Variants in FRMD4A observed in about 807,000 individuals in gnomAD.
The protein encoded by FRMD4A is FERM domain containing 4A, also known as FERM domain-containing protein 4A.
Under a neutral mutation model 129.1 loss-of-function variants are expected in FRMD4A, and 29 were observed. The observed-to-expected ratio is 0.22, with a 90% confidence interval of 0.17 to 0.31. The LOEUF (loss-of-function observed/expected upper bound fraction) is 0.31. FRMD4A is among the 10% of genes least tolerant of loss of function. The probability of loss-of-function intolerance (pLI) is 1.00; values close to 1 mark genes in which losing one functional copy is unlikely to be tolerated. For missense variants in FRMD4A, 1,272 were observed against 1,375.8 expected, an observed-to-expected ratio of 0.92 and a Z score of 1.19; for synonymous variants, 634 against 571.6, an observed-to-expected ratio of 1.11 and a Z score of -1.56.
intron 8 of FRMD4A, among the ~76,000 whole-genome samples, chr10:13,754,068 T>C (rs564173190): frequency 2.0e-5 from 3 of 152,352 alleles, no homozygotes; most frequent in Admixed American, 2.0e-4. Context: ...TAACTTTCTA[T>C]ATTTCTCAGT....
intron 2 of FRMD4A, among the ~76,000 whole-genome samples, chr10:14,112,211 G>A (rs1304180713): frequency 6.6e-6 from 1 of 152,128 alleles, no homozygotes; most frequent in African/African-American, 2.4e-5. Context: ...GGCCCAGCTG[G>A]GGAGGGCCCA....
chr10:13,883,352 T>A (rs374319160), intron 2 of FRMD4A, among the ~76,000 whole-genome samples: 1 of 151,878 alleles, frequency 6.6e-6, no homozygotes, highest in South Asian at 2.1e-4. Flanking sequence ...ATTAGCTGGG[T>A]GTAGTGGTGC....
At chr10:14,127,922 C>A (rs1263199958) in intron 2 of FRMD4A, among the ~76,000 whole-genome samples, 2 of 3,804 alleles carry the variant, frequency 5.3e-4, no homozygotes, top group African/African-American at 4.4e-3. Flanking sequence ...TTCTTTCTTT[C>A]TTTCTTTCTT....
chr10:13,853,006 T>C (rs1459178497), intron 3 of FRMD4A, among the ~76,000 whole-genome samples: 4 of 152,216 alleles, frequency 2.6e-5, no homozygotes, highest in African/African-American at 9.6e-5. Flanking sequence ...CTTCTTGGAA[T>C]CATAGGGACG....
chr10:13,938,187 T>C (rs1259932881), intron 2 of FRMD4A, among the ~76,000 whole-genome samples: 1 of 152,148 alleles, frequency 6.6e-6, no homozygotes, highest in East Asian at 1.9e-4. Flanking sequence ...TATTAGAAGT[T>C]TTCCTTGTGT....
intron 6 of FRMD4A, among the ~76,000 whole-genome samples, chr10:13,763,336 C>A (rs79710310): frequency 0.016 from 2,448 of 152,254 alleles, 83 homozygotes; most frequent in South Asian, 0.12. Flanking sequence ...GAAAGGCTTT[C>A]TTGAAAGGCT....
At chr10:13,881,320 G>A (rs528102249) in intron 2 of FRMD4A, among the ~76,000 whole-genome samples, 37 of 151,830 alleles carry the variant, frequency 2.4e-4, no homozygotes, top group African/African-American at 8.4e-4. Context: ...GTACTGGGGA[G>A]GCTGAGGTGG....
At chr10:13,919,861 C>A (rs1456872324) in intron 2 of FRMD4A, among the ~76,000 whole-genome samples, 6 of 152,098 alleles carry the variant, frequency 3.9e-5, no homozygotes, top group African/African-American at 1.4e-4. Context: ...TTGCTTGAAC[C>A]CAAGAGGCAG....
intron 2 of FRMD4A, among the ~76,000 whole-genome samples, chr10:14,039,377 TCCATCCATCC>T (rs1565204337): frequency 0.011 from 1,400 of 125,698 alleles, 9 homozygotes; most frequent in South Asian, 0.025. Flanking sequence ...CGTCCATCCA[TCCATCCATCC>T]ATCCATCCAT....
chr10:13,932,175 C>T (rs1031050997), intron 2 of FRMD4A, among the ~76,000 whole-genome samples: 1 of 152,194 alleles, frequency 6.6e-6, no homozygotes, highest in Admixed American at 6.5e-5. Context: ...GAAGCAATAA[C>T]CTGGTCCTCT....
At chr10:14,298,053 G>A (rs1206395829) in intron 2 of FRMD4A, among the ~76,000 whole-genome samples, 1 of 152,142 alleles carries the variant, frequency 6.6e-6, no homozygotes, top group Non-Finnish European at 1.5e-5. Flanking sequence ...TGTAAATAAA[G>A]TTTTATTGGA....
At chr10:13,867,652 A>C (rs1444530589) in intron 2 of FRMD4A, among the ~76,000 whole-genome samples, 1 of 133,114 alleles carries the variant, frequency 7.5e-6, no homozygotes, top group Non-Finnish European at 1.5e-5. Context: ...ATACATAATA[A>C]ATATATAATA....
At chr10:13,884,731 A>G (rs1404835942) in intron 2 of FRMD4A, among the ~76,000 whole-genome samples, 1 of 152,128 alleles carries the variant, frequency 6.6e-6, no homozygotes, top group Non-Finnish European at 1.5e-5. Context: ...CACAGCTAGA[A>G]GACTCTATTA....
chr10:14,068,181 T>C (rs1835151648), intron 2 of FRMD4A, among the ~76,000 whole-genome samples: 1 of 152,172 alleles, frequency 6.6e-6, no homozygotes, highest in South Asian at 2.1e-4. Context: ...ATGAAGTCAA[T>C]CTTTTCCAGG....
intron 3 of FRMD4A, among the ~76,000 whole-genome samples, chr10:13,840,730 G>C (rs11258667): frequency 0.31 from 44,785 of 144,832 alleles, 6,913 homozygotes; most frequent in Middle Eastern, 0.36. Context: ...GGAGGTTGCA[G>C]TGAGCTGAGA....
intron 2 of FRMD4A, among the ~76,000 whole-genome samples, chr10:14,216,697 C>G (rs1421542582): frequency 6.6e-6 from 1 of 152,006 alleles, no homozygotes; most frequent in African/African-American, 2.4e-5. Flanking sequence ...AAGACAGGAA[C>G]CAAATCGTTA....
chr10:14,121,784 C>T (rs1163702967), intron 2 of FRMD4A, among the ~76,000 whole-genome samples: 2 of 152,180 alleles, frequency 1.3e-5, no homozygotes. Context: ...GGGTTGACAG[C>T]GTGAACTTGG....
At chr10:13,723,206 G>A (rs1588430412) in intron 12 of FRMD4A, among the ~76,000 whole-genome samples, 1 of 152,180 alleles carries the variant, frequency 6.6e-6, no homozygotes, top group East Asian at 1.9e-4. Flanking sequence ...TTTTTATGTT[G>A]GTTAGCTAGG....
intron 9 of FRMD4A, among the ~76,000 whole-genome samples, chr10:13,742,262 C>T (rs935424930): frequency 2.6e-5 from 4 of 152,262 alleles, no homozygotes; most frequent in Non-Finnish European, 2.9e-5. Flanking sequence ...GAGATACGGC[C>T]GCTCCCACCC....
Sources: gnomAD v4.1 joint callset for allele counts (sites outside exome capture counted in the v4.1 genomes callset) on GRCh38, gnomAD v4.1.1 for gene constraint, MANE v1.5 for transcripts, NCBI Gene and HGNC (gene_info 2026-07-23, HGNC 2026-07-21) for gene names.